The following HS3ST4 variants were observed in gnomAD, a reference collection of about 807,000 sequenced individuals.
HS3ST4 encodes the protein heparan sulfate-glucosamine 3-sulfotransferase 4.
Under a neutral mutation model 29.2 loss-of-function variants are expected in HS3ST4, and 17 were observed. The observed-to-expected ratio is 0.58, with a 90% CI of 0.40 to 0.87. The LOEUF (loss-of-function observed/expected upper bound fraction) is 0.87, where lower values mean the gene tolerates loss of function less well. HS3ST4 is among the 40% of genes least tolerant of loss of function. HS3ST4 has a pLI of 0.00. For missense variants in HS3ST4, 627 were observed against 634.5 expected, an observed-to-expected ratio of 0.99 and a Z score of 0.13; for synonymous variants, 314 against 285.7, an observed-to-expected ratio of 1.10 and a Z score of -1.00.
At chr16:25,768,399 C>G (rs552173893) in intron 1 of HS3ST4, among the ~76,000 whole-genome samples, 4 of 152,162 alleles carry the variant, frequency 2.6e-5, no homozygotes, top group Admixed American at 1.3e-4. Context: ...TTCTCTACCC[C>G]CTTCCTTTCC....
chr16:25,820,759 C>T (rs902428543), intron 1 of HS3ST4, among the ~76,000 whole-genome samples: 3 of 151,840 alleles, frequency 2.0e-5, no homozygotes, highest in East Asian at 1.9e-4. Flanking sequence ...TTTGTAGAGA[C>T]GGGGTTTGGC....
chr16:26,114,466 T>C (rs935024421), intron 1 of HS3ST4, among the ~76,000 whole-genome samples: 10 of 152,198 alleles, frequency 6.6e-5, no homozygotes, highest in Non-Finnish European at 1.2e-4. Flanking sequence ...ATGGGGTTAA[T>C]GGGGTCCAAC....
intron 1 of HS3ST4, among the ~76,000 whole-genome samples, chr16:26,107,813 G>A (rs11859071): frequency 0.039 from 5,866 of 152,158 alleles, 352 homozygotes; most frequent in African/African-American, 0.13. Flanking sequence ...TTAGGTTGGT[G>A]CCCTATCTTT....
intron 1 of HS3ST4, among the ~76,000 whole-genome samples, chr16:25,804,244 A>C (rs1313860708): frequency 6.6e-6 from 1 of 152,206 alleles, no homozygotes; most frequent in East Asian, 1.9e-4. Context: ...TCAACATATC[A>C]TCTATAGAAA....
At chr16:26,064,907 G>A (rs766244347) in intron 1 of HS3ST4, among the ~76,000 whole-genome samples, 7 of 152,122 alleles carry the variant, frequency 4.6e-5, no homozygotes, top group African/African-American at 7.2e-5. Flanking sequence ...ATGAGCCACC[G>A]TGCCCAGCAG....
intron 1 of HS3ST4, among the ~76,000 whole-genome samples, chr16:25,932,578 T>C (rs1235237515): frequency 2.6e-5 from 4 of 152,172 alleles, no homozygotes; most frequent in Non-Finnish European, 4.4e-5. Flanking sequence ...TTACTCCCAC[T>C]ACCTCAAGGT....
chr16:25,729,738 T>A (rs7201562), intron 1 of HS3ST4, among the ~76,000 whole-genome samples: 37,569 of 152,078 alleles, frequency 0.25, 5,211 homozygotes, highest in East Asian at 0.54. Flanking sequence ...CTCACGTGGG[T>A]CGTTTTTCAC....
chr16:26,010,131 A>C (rs1969297198), intron 1 of HS3ST4, among the ~76,000 whole-genome samples: 1 of 152,176 alleles, frequency 6.6e-6, no homozygotes, highest in Non-Finnish European at 1.5e-5. Context: ...GTGGGCTTTC[A>C]ATGTTTCTGT....
chr16:26,109,345 C>T (rs1184914602), intron 1 of HS3ST4, among the ~76,000 whole-genome samples: 7 of 152,126 alleles, frequency 4.6e-5, no homozygotes, highest in Admixed American at 4.6e-4. Flanking sequence ...ATCTTTTCTG[C>T]ATGTGCGTGA....
At chr16:25,756,366 C>T (rs561529780) in intron 1 of HS3ST4, among the ~76,000 whole-genome samples, 10 of 152,092 alleles carry the variant, frequency 6.6e-5, no homozygotes, top group East Asian at 1.9e-4. Context: ...GATGATTTTG[C>T]GGTGGGAGGT....
intron 1 of HS3ST4, among the ~76,000 whole-genome samples, chr16:26,010,384 G>A (rs1368129789): frequency 2.0e-5 from 3 of 151,890 alleles, no homozygotes; most frequent in Admixed American, 2.0e-4. Flanking sequence ...AACCCTGGAG[G>A]CAGAGGTTAC....
At chr16:26,031,597 C>T (rs375165250) in intron 1 of HS3ST4, among the ~76,000 whole-genome samples, 1 of 151,928 alleles carries the variant, frequency 6.6e-6, no homozygotes, top group African/African-American at 2.4e-5. Flanking sequence ...CGCAAATTGG[C>T]CCCAAATTAA....
chr16:25,898,788 G>T (rs111913200), intron 1 of HS3ST4, among the ~76,000 whole-genome samples: 213 of 152,336 alleles, frequency 1.4e-3, no homozygotes, highest in South Asian at 7.9e-3. Flanking sequence ...ATGAATAAGA[G>T]AGGGAGATGT....
At chr16:25,772,295 A>G (rs994363479) in intron 1 of HS3ST4, among the ~76,000 whole-genome samples, 2 of 152,232 alleles carry the variant, frequency 1.3e-5, no homozygotes, top group Non-Finnish European at 2.9e-5. Context: ...TGTCATGCAT[A>G]GTGTTTCTCT....
intron 1 of HS3ST4, among the ~76,000 whole-genome samples, chr16:25,827,657 T>A (rs958201575): frequency 1.3e-5 from 2 of 152,138 alleles, no homozygotes; most frequent in African/African-American, 2.4e-5. Flanking sequence ...CCACCAAGGA[T>A]GCTACATTTA....
chr16:25,938,417 C>T (rs776088310), intron 1 of HS3ST4, among the ~76,000 whole-genome samples: 6 of 152,138 alleles, frequency 3.9e-5, no homozygotes, highest in Non-Finnish European at 4.4e-5. Context: ...AATAAGTGTG[C>T]ATCTTCTGCC....
chr16:25,712,219 C>G (rs1966420229), intron 1 of HS3ST4, among the ~76,000 whole-genome samples: 1 of 152,044 alleles, frequency 6.6e-6, no homozygotes, highest in Admixed American at 6.6e-5. Flanking sequence ...AAATAAATTG[C>G]AGGTAAAGAA....
At position 25,951,862 on chromosome 16, in the gene HS3ST4, C is replaced by A. The variant is rs530330006; in HGVS notation, c.735-183750C>A. 2.0e-5 allele frequency among the ~76,000 whole-genome samples: 3 copies of A among 152,158 alleles called. 1 individual carries two copies. The South Asian group carries it at 6.2e-4, about 32-fold the overall frequency. Reference sequence around the variant, plus strand: ...TAGTCTGCCACCTGACTTTGTACAGCCCACGAGCTAAGAATGATTTTTACA... The same window carrying A: ...TAGTCTGCCACCTGACTTTGTACAGACCACGAGCTAAGAATGATTTTTACA... On this transcript the variant is annotated intron_variant, in intron 1 of 1. Transcript: ENST00000331351.
At chr16:25,915,765 G>A (rs1055581801) in intron 1 of HS3ST4, among the ~76,000 whole-genome samples, 7 of 152,230 alleles carry the variant, frequency 4.6e-5, no homozygotes, top group Non-Finnish European at 8.8e-5. Context: ...TTGTCTTGGA[G>A]TGTAGACAGG....
Sources: allele counts gnomAD v4.1 joint callset (sites outside exome capture counted in the v4.1 genomes callset), GRCh38; gene constraint gnomAD v4.1.1; transcripts MANE v1.5; gene names NCBI Gene and HGNC (gene_info 2026-07-23, HGNC 2026-07-21).